The following RAB11FIP3 variants were observed in gnomAD, a reference collection of about 807,000 sequenced individuals.
The protein encoded by RAB11FIP3 is RAB11 family interacting protein 3, also known as rab11 family-interacting protein 3.
RAB11FIP3 carries 17 observed loss-of-function variants against 77.8 expected under a neutral mutation model. The observed-to-expected ratio is 0.22, with a 90% confidence interval of 0.15 to 0.33. RAB11FIP3 has a LOEUF of 0.33. Among genes scored for constraint, RAB11FIP3 ranks in the 10% least tolerant of loss-of-function variants. The pLI, the probability that RAB11FIP3 is intolerant of heterozygous loss-of-function variation, is 1.00. For synonymous variants in RAB11FIP3, 437 were observed against 448.2 expected (o/e 0.98, Z 0.31); for missense variants, 1,005 against 1,011.2 (o/e 0.99, Z 0.08).
chr16:489,846 G>A (rs192196876), intron 5 of RAB11FIP3, among the ~76,000 whole-genome samples: 91 of 152,286 alleles, frequency 6.0e-4, no homozygotes, highest in African/African-American at 1.9e-3. Flanking sequence ...CCTTGAAGCC[G>A]CCCGTCAGCC....
At chr16:513,211 GTTGT>G (rs754308052) in intron 9 of RAB11FIP3, among the ~76,000 whole-genome samples, 152 of 152,180 alleles carry the variant, frequency 1.0e-3, no homozygotes, top group Non-Finnish European at 1.3e-3. Context: ...GTTTTATACA[GTTGT>G]TTGTTTGTTT....
intron 3 of RAB11FIP3, chr16:477,651 G>C (rs1469434588): frequency 2.0e-6 from 2 of 985,490 alleles, no homozygotes; most frequent in East Asian, 1.1e-4. Flanking sequence ...GAGCTGCCCA[G>C]GGACGGTGAG....
At chr16:458,222 C>T (rs1004449609) in intron 1 of RAB11FIP3, among the ~76,000 whole-genome samples, 6 of 152,252 alleles carry the variant, frequency 3.9e-5, no homozygotes, top group African/African-American at 9.6e-5. Context: ...GCTTCGGGCT[C>T]TCTGGATTGC....
chr16:463,251 C>A (rs1191193237), intron 2 of RAB11FIP3, among the ~76,000 whole-genome samples: 1 of 151,978 alleles, frequency 6.6e-6, no homozygotes, highest in Non-Finnish European at 1.5e-5. Flanking sequence ...GATAAGTAGA[C>A]CTTGGCTGGG....
chr16:449,861 G>T (rs1041407683), intron 1 of RAB11FIP3, among the ~76,000 whole-genome samples: 1 of 127,740 alleles, frequency 7.8e-6, no homozygotes, highest in African/African-American at 2.5e-5. Flanking sequence ...TGAGGCAGGA[G>T]AATTGTTTGA....
At chr16:463,450 T>TC (rs2055650757) in intron 2 of RAB11FIP3, among the ~76,000 whole-genome samples, 1 of 147,632 alleles carries the variant, frequency 6.8e-6, no homozygotes, top group African/African-American at 2.6e-5. Flanking sequence ...TTTTTTTTTT[T>TC]TTTTTGAGAC....
At chr16:436,471 T>TTTAC (rs2141850620) in intron 1 of RAB11FIP3, among the ~76,000 whole-genome samples, 1 of 152,098 alleles carries the variant, frequency 6.6e-6, no homozygotes, top group African/African-American at 2.4e-5. Context: ...GTTTCATTTA[T>TTTAC]TTATTTATTT....
Position 426,443 on chromosome 16 carries a change from A to G in RAB11FIP3, c.437A>G (p.Gln146Arg). 6.3e-7 allele frequency: 1 copy of G among 1,585,266 alleles called. No individual in the cohort carries two copies. Among genetic ancestry groups the G allele is most frequent in the Non-Finnish European group, 8.6e-7 (1 of 1,167,188 alleles). The change falls in exon 1 of 14, where the codon CAG (glutamine) becomes CGG (arginine). Residue 146 changes from glutamine (Q) to arginine (R), a missense_variant. By Grantham distance (43) the Gln-to-Arg change is conservative (BLOSUM62 1). This residue lies in a region of RAB11FIP3 where 466 missense variants were observed against 408.3 expected (regional missense o/e 1.14). Transcript: ENST00000262305. The surrounding 1 kb of genome is among the most constrained non-coding windows in gnomAD (Gnocchi z 5.0). The stretch of plus-strand genomic sequence containing the variant: ...CCGGAGAGCGCGCCTTTCCGCTTGC[A>G]GGGGTCCAGCAGCAGCCACCGAGCG... ...SCPESAPFRL[Q>R]GSSSSHRARG...
At chr16:496,727 C>A in intron 5 of RAB11FIP3, 97 bp from the exon 6 acceptor site, 1 of 1,275,878 alleles carries the variant, frequency 7.8e-7, no homozygotes, top group Non-Finnish European at 1.1e-6. Flanking sequence ...GCTGAAAGGC[C>A]GCCCACCTCG....
chr16:515,616 C>T lies in RAB11FIP3; in HGVS notation c.1641-3327C>T, dbSNP rs372448107. 4.7e-4 allele frequency among the ~76,000 whole-genome samples: 71 copies of T among 151,390 alleles called. 1 individual carries two copies. In the East Asian group the frequency reaches 0.013, roughly 27 times the overall value. On this transcript the variant is annotated intron_variant, in intron 9 of 13. Transcript: ENST00000262305. ...GAGCAGCCACACGGCTGACACGGAC[C>T]GGGGTTCGCATCTCGGAGCAGCCAC...
At chr16:490,904 G>A (rs550336612) in intron 5 of RAB11FIP3, among the ~76,000 whole-genome samples, 2 of 152,310 alleles carry the variant, frequency 1.3e-5, no homozygotes, top group African/African-American at 4.8e-5. Context: ...TGTGTGCAGG[G>A]CCCCCTGAGG....
intron 1 of RAB11FIP3, among the ~76,000 whole-genome samples, chr16:454,721 A>T (rs948519992): frequency 6.6e-6 from 1 of 152,166 alleles, no homozygotes; most frequent in Non-Finnish European, 1.5e-5. Context: ...AAAGTGTCAC[A>T]TACAGGCTCT....
chr16:484,207 A>G (rs1405194253), intron 4 of RAB11FIP3, among the ~76,000 whole-genome samples: 2 of 152,222 alleles, frequency 1.3e-5, no homozygotes, highest in Non-Finnish European at 1.5e-5. Flanking sequence ...TCAGGCAAGA[A>G]CAAAACACTC....
chr16:426,369 G>A lies in RAB11FIP3; in HGVS notation c.363G>A (p.Pro121=). ...RSEAPLPELD[P]LFSWTEEPEE... is the part of the protein sequence containing the mutation. ...AAGCGCCGCTTCCAGAACTCGACCC[G>A]TTGTTCTCCTGGACTGAGGAGCCCG... The change falls in exon 1 of 14, where the codon CCG becomes CCA. Residue 121 remains proline, a synonymous_variant. Transcript: ENST00000262305. This position sits in a 1 kb window ranked among gnomAD's most constrained non-coding sequence, Gnocchi z 5.0. 6.5e-7 allele frequency: 1 copy of A among 1,546,284 alleles called. No individual in the cohort carries two copies. Among genetic ancestry groups the A allele is most frequent in the Non-Finnish European group, 8.7e-7 (1 of 1,148,712 alleles).
intron 1 of RAB11FIP3, among the ~76,000 whole-genome samples, chr16:430,059 CA>C (rs1238154893): frequency 5.9e-5 from 9 of 152,160 alleles, no homozygotes; most frequent in African/African-American, 2.2e-4. Context: ...GAAATCAGCA[CA>C]TGAAAGGAGC....
In RAB11FIP3 at chr16:471,140, C is replaced by T. The variant is rs2141682354; in HGVS notation, c.809-155C>T. 6.6e-6 allele frequency among the ~76,000 whole-genome samples: 1 copy of T among 152,214 alleles called. No individual in the cohort carries two copies. Among genetic ancestry groups the T allele is most frequent in the Non-Finnish European group, 1.5e-5 (1 of 68,002 alleles). ...GTTTTCTCTCCCTGGATTTCTCATG[C>T]TCACTCCCTTGCTTGTCTTGACCCC... On this transcript the variant is annotated intron_variant, in intron 2 of 13. Coordinates refer to ENST00000262305, the MANE Select transcript of RAB11FIP3 (RefSeq NM_014700.4). This position sits in a 1 kb window ranked among gnomAD's most constrained non-coding sequence, Gnocchi z 4.4.
Position 471,876 on chromosome 16 carries a change from G to A in RAB11FIP3, c.903+487G>A, listed in dbSNP as rs1470869368. 6.6e-6 allele frequency among the ~76,000 whole-genome samples: 1 copy of A among 152,128 alleles called. No homozygotes were observed. Among genetic ancestry groups the A allele is most frequent in the African/African-American group, 2.4e-5 (1 of 41,416 alleles). ...GGTCCCTTGTTCTCAACATAGCTGG[G>A]GAGAGGGTCTTCGAGCACAGCCGTG... On this transcript the variant is annotated intron_variant, in intron 3 of 13. Coordinates refer to ENST00000262305, the MANE Select transcript of RAB11FIP3 (RefSeq NM_014700.4). This position sits in a 1 kb window ranked among gnomAD's most constrained non-coding sequence, Gnocchi z 4.4.
chr16:502,064 C>T (rs2031563265), intron 6 of RAB11FIP3, among the ~76,000 whole-genome samples: 1 of 152,272 alleles, frequency 6.6e-6, no homozygotes, highest in African/African-American at 2.4e-5. Context: ...GAGCATCAGG[C>T]TGTCAGCCTG....
chr16:443,574 T>G (rs116459599), intron 1 of RAB11FIP3, among the ~76,000 whole-genome samples: 1,670 of 150,458 alleles, frequency 0.011, 29 homozygotes, highest in African/African-American at 0.031. Context: ...TGGTGGTGGT[T>G]GTTGTTGTTG....
Sources: gnomAD v4.1 joint callset for allele counts (sites outside exome capture counted in the v4.1 genomes callset) on GRCh38, gnomAD v4.1.1 for gene constraint, gnomAD v4.1.1 regional missense constraint, Gnocchi (gnomAD v3.1) non-coding constraint, MANE v1.5 for transcripts, NCBI Gene and HGNC (gene_info 2026-07-23, HGNC 2026-07-21) for gene names.